Variants in GRM5 observed in about 807,000 individuals in gnomAD.
GRM5 encodes metabotropic glutamate receptor 5.
GRM5 carries 19 observed loss-of-function variants against 83.1 expected under a neutral mutation model. The observed-to-expected ratio is 0.23, with a 90% CI of 0.16 to 0.34. The LOEUF is 0.34. Ranked by LOEUF, GRM5 falls within the 10% of genes least tolerant of loss-of-function variation. The probability of loss-of-function intolerance (pLI) is 1.00; values close to 1 mark genes in which losing one functional copy is unlikely to be tolerated. For missense variants in GRM5, 1,160 were observed against 1,588.3 expected, an observed-to-expected ratio of 0.73 and a Z score of 4.58; for synonymous variants, 675 against 633.6, an observed-to-expected ratio of 1.07 and a Z score of -0.98.
chr11:88,920,798 G>T (rs915639950), intron 2 of GRM5, among the ~76,000 whole-genome samples: 7 of 152,146 alleles, frequency 4.6e-5, no homozygotes, highest in African/African-American at 1.7e-4. Context: ...TGCCATGGTG[G>T]TTTGCTGCAC....
intron 9 of GRM5, among the ~76,000 whole-genome samples, chr11:88,519,819 C>T (rs1464503399): frequency 1.3e-5 from 2 of 152,134 alleles, no homozygotes; most frequent in Non-Finnish European, 2.9e-5. Flanking sequence ...AGTAAGAGCA[C>T]ATGCTAAAAT....
Position 88,598,845 on chromosome 11 carries a change from C to G in GRM5, c.1395-1493G>C, listed in dbSNP as rs940508779. On this transcript the variant is annotated intron_variant, in intron 5 of 9. Coordinates refer to ENST00000305447, the MANE Select transcript of GRM5 (RefSeq NM_001143831.3). ...AGAAATATGTGGGTGTCATTCCTTA[C>G]TCAAAAATGAGCTGTCAACTCTGTT... 3.9e-5 allele frequency among the ~76,000 whole-genome samples: 6 copies of G among 152,164 alleles called. No homozygotes were observed. The East Asian group carries it at 1.2e-3, about 29-fold the overall frequency.
At chr11:88,720,103 G>T (rs1941499239) in intron 3 of GRM5, among the ~76,000 whole-genome samples, 1 of 151,970 alleles carries the variant, frequency 6.6e-6, no homozygotes, top group Non-Finnish European at 1.5e-5. Context: ...GTCCCGTGAA[G>T]ACAGAACCTG....
At chr11:89,012,753 C>T (rs762772125) in intron 2 of GRM5, among the ~76,000 whole-genome samples, 25 of 152,174 alleles carry the variant, frequency 1.6e-4, no homozygotes, top group Non-Finnish European at 3.5e-4. Flanking sequence ...AAGAGCCTCA[C>T]CATGTCAGCA....
At chr11:89,014,355 T>C (rs1484871957) in intron 2 of GRM5, among the ~76,000 whole-genome samples, 3 of 152,150 alleles carry the variant, frequency 2.0e-5, no homozygotes, top group Non-Finnish European at 4.4e-5. Context: ...TACTCAACAG[T>C]GCCGGCTCAT....
intron 3 of GRM5, among the ~76,000 whole-genome samples, chr11:88,815,301 A>G (rs985724772): frequency 6.6e-6 from 1 of 152,250 alleles, no homozygotes; most frequent in Non-Finnish European, 1.5e-5. Flanking sequence ...ATATTTGGGA[A>G]CTAAATAAAA....
intron 2 of GRM5, among the ~76,000 whole-genome samples, chr11:88,956,253 C>T (rs1938608590): frequency 1.3e-5 from 2 of 152,302 alleles, no homozygotes; most frequent in African/African-American, 4.8e-5. Flanking sequence ...ATGCAAATCC[C>T]TTAACAAAAT....
rs547192349 is a variant in GRM5 at position 88,816,356 on chromosome 11, T to C, written c.911+33550A>G. 4.5e-4 allele frequency among the ~76,000 whole-genome samples: 65 copies of C among 144,662 alleles called. No homozygotes were observed. In the Middle Eastern group the frequency reaches 0.021, roughly 46 times the overall value. 94.9% of individuals were successfully genotyped at this position (144,662 alleles called of 152,430 possible). ...GAATTTGAGACCAGCCTGGCCAACA[T>C]AGTGAAGCCCCATCTCTACTAAAAA... On this transcript the variant is annotated intron_variant, in intron 3 of 9. Coordinates refer to ENST00000305447, the MANE Select transcript of GRM5 (RefSeq NM_001143831.3).
At chr11:88,611,508 T>C (rs1176622340) in intron 4 of GRM5, among the ~76,000 whole-genome samples, 2 of 152,220 alleles carry the variant, frequency 1.3e-5, no homozygotes, top group Admixed American at 6.5e-5. Context: ...TGCACAGTGA[T>C]GCTGACAATA....
chr11:88,551,093 C>T (rs1023179223), intron 8 of GRM5, among the ~76,000 whole-genome samples: 4 of 152,038 alleles, frequency 2.6e-5, no homozygotes, highest in African/African-American at 9.7e-5. Flanking sequence ...TTTCACATGT[C>T]TCAATTTCCT....
intron 3 of GRM5, among the ~76,000 whole-genome samples, chr11:88,767,742 A>G (rs1942651063): frequency 6.6e-6 from 1 of 151,864 alleles, no homozygotes; most frequent in East Asian, 1.9e-4. Flanking sequence ...TTATTACCTG[A>G]GTGGCAAAAT....
chr11:88,823,597 C>G (rs918899188), intron 3 of GRM5, among the ~76,000 whole-genome samples: 1 of 151,828 alleles, frequency 6.6e-6, no homozygotes, highest in African/African-American at 2.4e-5. Context: ...TCAGGAAGTA[C>G]TACTGACTAG....
intron 2 of GRM5, among the ~76,000 whole-genome samples, chr11:88,951,588 G>C (rs1436452973): frequency 6.6e-6 from 1 of 152,168 alleles, no homozygotes; most frequent in African/African-American, 2.4e-5. Context: ...AGCATAGTAT[G>C]GTAGACACAG....
intron 3 of GRM5, among the ~76,000 whole-genome samples, chr11:88,796,917 T>TAC (rs1381634521): frequency 3.5e-5 from 5 of 142,948 alleles, no homozygotes; most frequent in African/African-American, 1.2e-4. Flanking sequence ...TGTGTGTGTG[T>TAC]GTGTGTGTGT....
chr11:88,758,016 T>C (rs1317747273), intron 3 of GRM5, among the ~76,000 whole-genome samples: 1 of 151,824 alleles, frequency 6.6e-6, no homozygotes, highest in Non-Finnish European at 1.5e-5. Flanking sequence ...CTCCCAGAAA[T>C]AAAGCCAATC....
intron 3 of GRM5, among the ~76,000 whole-genome samples, chr11:88,704,020 G>A (rs1941095964): frequency 6.6e-6 from 1 of 152,022 alleles, no homozygotes; most frequent in South Asian, 2.1e-4. Context: ...TCAGTGTTTG[G>A]TGAGGGCCTG....
chr11:88,610,284 A>C (rs1022541586), intron 4 of GRM5, among the ~76,000 whole-genome samples: 1 of 152,218 alleles, frequency 6.6e-6, no homozygotes, highest in Non-Finnish European at 1.5e-5. Flanking sequence ...TAGAAATAGC[A>C]ATGTATCTGT....
At chr11:89,059,469 A>T (rs990736456) in intron 1 of GRM5, among the ~76,000 whole-genome samples, 5 of 152,196 alleles carry the variant, frequency 3.3e-5, no homozygotes, top group Non-Finnish European at 7.4e-5. Flanking sequence ...AAAAAAATTG[A>T]TATATGTTTG....
intron 3 of GRM5, among the ~76,000 whole-genome samples, chr11:88,664,322 T>A (rs66500504): frequency 0.32 from 23,639 of 72,992 alleles, 1,930 homozygotes; most frequent in Non-Finnish European, 0.45. Context: ...AACCCAGATT[T>A]AAAAAAAACT....
Sources: gnomAD v4.1 joint callset for allele counts (sites outside exome capture counted in the v4.1 genomes callset) on GRCh38, gnomAD v4.1.1 for gene constraint, MANE v1.5 for transcripts, NCBI Gene and HGNC (gene_info 2026-07-23, HGNC 2026-07-21) for gene names.